The following GSAP variants were observed in gnomAD, a reference collection of about 807,000 sequenced individuals.
GSAP encodes gamma-secretase activating protein.
GSAP carries 118 observed loss-of-function variants against 131.7 expected under a neutral mutation model. The observed-to-expected ratio is 0.90, with a 90% CI of 0.77 to 1.04. The LOEUF (loss-of-function observed/expected upper bound fraction) is 1.04, where lower values mean the gene tolerates loss of function less well. Ranked by LOEUF, GSAP falls within the 50% of genes least tolerant of loss-of-function variation. The pLI is 0.00. For missense variants in GSAP, 1,019 were observed against 1,013.2 expected, an observed-to-expected ratio of 1.01 and a Z score of -0.08; for synonymous variants, 381 against 363.4, an observed-to-expected ratio of 1.05 and a Z score of -0.55.
At chr7:77,371,609 G>T (rs903744065) in intron 12 of GSAP, among the ~76,000 whole-genome samples, 2 of 151,832 alleles carry the variant, frequency 1.3e-5, no homozygotes, top group African/African-American at 4.8e-5. Context: ...TAATTTTTTT[G>T]TATTTTTACT....
chr7:77,363,069 A>T (rs1383272919), intron 12 of GSAP, among the ~76,000 whole-genome samples: 2 of 152,236 alleles, frequency 1.3e-5, no homozygotes, highest in African/African-American at 4.8e-5. Flanking sequence ...CATTTCACAG[A>T]AAGTTACCAG....
intron 12 of GSAP, among the ~76,000 whole-genome samples, chr7:77,371,414 C>T (rs552841028): frequency 2.8e-5 from 4 of 145,124 alleles, no homozygotes; most frequent in African/African-American, 5.1e-5. Flanking sequence ...TTCTCCAATC[C>T]GTCCTCCATC....
At chr7:77,387,143 T>C (rs73362759) in intron 6 of GSAP, among the ~76,000 whole-genome samples, 4,462 of 152,296 alleles carry the variant, frequency 0.029, 217 homozygotes, top group African/African-American at 0.1. Context: ...TGAGAAAATA[T>C]TACATTACTA....
intron 19 of GSAP, chr7:77,330,643 C>T: frequency 9.7e-7 from 1 of 1,035,528 alleles, no homozygotes; most frequent in Non-Finnish European, 1.2e-6. Flanking sequence ...CTTCCCAAAA[C>T]CAACAGGACT....
At chr7:77,354,200 C>A (rs1793326894) in intron 16 of GSAP, among the ~76,000 whole-genome samples, 1 of 152,194 alleles carries the variant, frequency 6.6e-6, no homozygotes, top group South Asian at 2.1e-4. Flanking sequence ...ATAAGGCACG[C>A]CTAACCATGG....
At chr7:77,400,196 C>T (rs1180750942) in intron 3 of GSAP, among the ~76,000 whole-genome samples, 1 of 152,114 alleles carries the variant, frequency 6.6e-6, no homozygotes, top group Non-Finnish European at 1.5e-5. Context: ...TCAAAGAAGA[C>T]CAAGTAGGAA....
At chr7:77,329,756 T>C (rs771093687) in intron 20 of GSAP, 1 of 163,418 alleles carries the variant, frequency 6.1e-6, no homozygotes, top group Non-Finnish European at 1.3e-5. Context: ...TGTCATTCTA[T>C]GTCATTTTAT....
At chr7:77,317,377 T>TTG (rs1786990487) in intron 26 of GSAP, among the ~76,000 whole-genome samples, 2 of 102,522 alleles carry the variant, frequency 2.0e-5, no homozygotes, top group African/African-American at 6.8e-5. Context: ...GGGCCTGTCG[T>TTG]GGGGTTGGGG....
intron 16 of GSAP, chr7:77,353,844 T>G (rs1414281339): frequency 2.2e-6 from 1 of 463,534 alleles, no homozygotes; most frequent in African/African-American, 2.0e-5. Context: ...GAGATCCTTT[T>G]TATACATCTT....
chr7:77,415,854 G>C (rs537835816), intron 1 of GSAP: 139 of 220,728 alleles, frequency 6.3e-4, no homozygotes, highest in South Asian at 5.0e-3. Flanking sequence ...TGAACCCCCC[G>C]GGAGGTGGGA....
chr7:77,349,431 C>T (rs781416084), intron 18 of GSAP, 27 bp from the exon 19 acceptor site: 10 of 1,588,278 alleles, frequency 6.3e-6, no homozygotes, highest in East Asian at 4.5e-5. Context: ...CACACACACA[C>T]AGCTGCTCAG....
intron 3 of GSAP, among the ~76,000 whole-genome samples, chr7:77,400,083 A>G (rs1801070768): frequency 6.6e-6 from 1 of 152,102 alleles, no homozygotes; most frequent in African/African-American, 2.4e-5. Flanking sequence ...AGAAAATGCA[A>G]CCCCACTCCC....
chr7:77,329,366 G>T lies in GSAP; in HGVS notation c.1700C>A (p.Ala567Glu). The T allele has an allele frequency of 1.3e-6, 2 of 1,585,406 alleles. No homozygotes were observed. The highest frequency in any genetic ancestry group is 1.7e-6 in the Non-Finnish European group (2 of 1,163,692). Residue 567 changes from alanine (A) to glutamate (E), a missense_variant, in exon 21 of 31, where the codon GCA becomes GAA. Coordinates refer to ENST00000257626, the MANE Select transcript of GSAP (RefSeq NM_017439.4). The stretch of plus-strand genomic sequence containing the variant: ...ATTATCAAGAATATTCCTCACGTAT[G>T]CCGCAGACCTTCTTTTTCCTGTTTT... ...EEKTGKRRSA[A>E]YVRNILDNAV... is the part of the protein sequence containing the mutation.
intron 22 of GSAP, among the ~76,000 whole-genome samples, chr7:77,327,979 T>C (rs1007666960): frequency 6.6e-6 from 1 of 152,242 alleles, no homozygotes; most frequent in East Asian, 1.9e-4. Flanking sequence ...CTAAGCACTA[T>C]GTTAGGTGCT....
At chr7:77,325,528 ACTT>A (rs976052517) in intron 23 of GSAP, among the ~76,000 whole-genome samples, 1 of 152,108 alleles carries the variant, frequency 6.6e-6, no homozygotes, top group Non-Finnish European at 1.5e-5. Flanking sequence ...TAGTATTATG[ACTT>A]CTTGAGAAAA....
rs183126336 is a variant in GSAP, at chr7:77,385,830, A to G, written c.456+1530T>C. Among the ~76,000 whole-genome samples, 574 of 152,316 alleles carry G rather than the reference A, an allele frequency of 3.8e-3. 7 individuals carry two copies. The highest frequency in any genetic ancestry group is 0.032 in the South Asian group (153 of 4,822). On this transcript the variant is annotated intron_variant, in intron 6 of 30. Transcript: ENST00000257626. ...GGAGGCCCATAGGGTGGAGGCTGGT[A>G]ATAGCTTGGGGGACAAAAAGGCAGA...
At chr7:77,339,920 A>G (rs1466521415) in intron 19 of GSAP, among the ~76,000 whole-genome samples, 1 of 152,246 alleles carries the variant, frequency 6.6e-6, no homozygotes, top group Admixed American at 6.5e-5. Flanking sequence ...AATCCCTTGT[A>G]AATGTAAATT....
chr7:77,345,007 G>C (rs553288985), intron 19 of GSAP, among the ~76,000 whole-genome samples: 6 of 152,220 alleles, frequency 3.9e-5, no homozygotes, highest in African/African-American at 1.4e-4. Flanking sequence ...AATCAGTCTG[G>C]CCTGGTATAT....
In GSAP at chr7:77,414,970, G is replaced by A. The variant is rs189952013; in HGVS notation, c.109+1243C>T. On this transcript the variant is annotated intron_variant, in intron 1 of 30. Coordinates refer to ENST00000257626, the MANE Select transcript of GSAP (RefSeq NM_017439.4). ...CCTCCCAGGTTCAAGCGATTCTCCTGCCTCAGCCTCCCGAGTAGCTGGGAT... is the reference window on the plus strand; with the variant it reads ...CCTCCCAGGTTCAAGCGATTCTCCTACCTCAGCCTCCCGAGTAGCTGGGAT... Among the ~76,000 whole-genome samples, 289 of 145,346 alleles carry A rather than the reference G, an allele frequency of 2.0e-3. 1 individual carries two copies. Among genetic ancestry groups the A allele is most frequent in the Non-Finnish European group, 2.5e-3 (171 of 67,110 alleles).
Sources: allele counts gnomAD v4.1 joint callset (sites outside exome capture counted in the v4.1 genomes callset), GRCh38; gene constraint gnomAD v4.1.1; transcripts MANE v1.5; gene names NCBI Gene and HGNC (gene_info 2026-07-23, HGNC 2026-07-21).